Variants in ADD3 observed in about 807,000 individuals in gnomAD.
ADD3 encodes the protein adducin 3.
In ADD3, 25 loss-of-function variants were observed where a neutral mutation model predicts 80.2. The observed-to-expected ratio is 0.31, with a 90% CI of 0.23 to 0.44. The LOEUF (loss-of-function observed/expected upper bound fraction) is 0.44, where lower values mean the gene tolerates loss of function less well. ADD3 is among the 20% of genes least tolerant of loss of function. ADD3 has a pLI of 1.00. For missense variants in ADD3, 829 were observed against 847.5 expected (o/e 0.98, Z 0.27); for synonymous variants, 284 against 289.6 (o/e 0.98, Z 0.20).
intron 1 of ADD3, among the ~76,000 whole-genome samples, chr10:110,042,129 T>C (rs1471388675): frequency 6.6e-6 from 1 of 151,986 alleles, no homozygotes; most frequent in Admixed American, 6.5e-5. Context: ...TAGATCTTTG[T>C]AGGTAAGTAT....
intron 1 of ADD3, among the ~76,000 whole-genome samples, chr10:110,095,916 A>G (rs72828289): frequency 0.02 from 3,009 of 152,316 alleles, 55 homozygotes; most frequent in Middle Eastern, 0.054. Flanking sequence ...AATTATAGCA[A>G]TAGAGAATGG....
intron 1 of ADD3, among the ~76,000 whole-genome samples, chr10:110,023,599 G>T (rs1853942087): frequency 6.6e-6 from 1 of 152,194 alleles, no homozygotes; most frequent in South Asian, 2.1e-4. Flanking sequence ...TCTGATTTAT[G>T]ACAGAGGAAA....
chr10:110,091,171 T>C (rs1847455311), intron 1 of ADD3, among the ~76,000 whole-genome samples: 2 of 152,192 alleles, frequency 1.3e-5, no homozygotes, highest in Non-Finnish European at 2.9e-5. Flanking sequence ...TTGAGTATTG[T>C]GATCATATAA....
intron 12 of ADD3, among the ~76,000 whole-genome samples, chr10:110,127,062 G>T (rs1262542839): frequency 6.6e-6 from 1 of 152,194 alleles, no homozygotes; most frequent in East Asian, 1.9e-4. Context: ...GAAAGATGGG[G>T]ATTTAGCCTG....
intron 1 of ADD3, among the ~76,000 whole-genome samples, chr10:110,031,323 C>T (rs750831693): frequency 2.4e-4 from 37 of 152,168 alleles, no homozygotes; most frequent in Non-Finnish European, 5.0e-4. Context: ...CCATTGGGCA[C>T]CTGCCATGTG....
At chr10:110,027,777 C>G (rs1216482442) in intron 1 of ADD3, among the ~76,000 whole-genome samples, 3 of 152,174 alleles carry the variant, frequency 2.0e-5, no homozygotes, top group Non-Finnish European at 4.4e-5. Context: ...AAATGAGACA[C>G]TTCAGAGAGA....
At chr10:110,025,928 A>AG in intron 1 of ADD3, among the ~76,000 whole-genome samples, 2 of 146,438 alleles carry the variant, frequency 1.4e-5, no homozygotes, top group African/African-American at 4.9e-5. Flanking sequence ...CTTAAAAAAG[A>AG]AAAAAAAAAT....
chr10:110,001,612 C>G (rs899024137), upstream of ADD3, among the ~76,000 whole-genome samples: 4 of 152,162 alleles, frequency 2.6e-5, no homozygotes, highest in African/African-American at 4.8e-5. Flanking sequence ...TGTGATCAAA[C>G]TGGTGATACA....
At chr10:110,112,958 C>T (rs201381205) in intron 3 of ADD3, 43 bp downstream of exon 3, 4 of 1,582,692 alleles carry the variant, frequency 2.5e-6, no homozygotes, top group Admixed American at 1.7e-5. Flanking sequence ...AATTTTACTT[C>T]CACTTTGGAC....
intron 1 of ADD3, among the ~76,000 whole-genome samples, chr10:110,078,093 C>T (rs1290259452): frequency 1.3e-5 from 2 of 152,200 alleles, no homozygotes; most frequent in African/African-American, 4.8e-5. Context: ...GACTTCTTAG[C>T]ATCTCCTTGC....
intron 8 of ADD3, among the ~76,000 whole-genome samples, chr10:110,120,026 A>T (rs554934597): frequency 7.9e-5 from 12 of 151,946 alleles, no homozygotes; most frequent in Middle Eastern, 3.4e-3. Flanking sequence ...CATTTTTTTC[A>T]TCAGAGATGT....
rs12259871 is a variant in ADD3 at position 110,018,093 on chromosome 10, C to T, written c.-30+9794C>T. Among the ~76,000 whole-genome samples the T allele has an allele frequency of 2.0e-5, 3 of 152,288 alleles. No homozygotes were observed. In the South Asian group the frequency reaches 6.2e-4, roughly 32 times the overall value. On this transcript the variant is annotated intron_variant, in intron 1 of 14. Coordinates refer to ENST00000356080, the MANE Select transcript of ADD3 (RefSeq NM_016824.5). ...CTATGAGATACATCACTCCTTGAGA[C>T]TCAGACTTTCCCAGTCAAACATAGG...
intron 1 of ADD3, among the ~76,000 whole-genome samples, chr10:110,021,922 A>AT (rs1398411301): frequency 3.3e-5 from 5 of 152,252 alleles, no homozygotes; most frequent in Non-Finnish European, 5.9e-5. Context: ...GTGCGTGCAA[A>AT]TTCAGATGTA....
intron 2 of ADD3, among the ~76,000 whole-genome samples, chr10:110,109,069 A>G (rs987193090): frequency 2.0e-5 from 3 of 152,194 alleles, no homozygotes; most frequent in Admixed American, 2.0e-4. Flanking sequence ...CATTTCACTA[A>G]TGTAAAAAGA....
chr10:110,126,333 A>G, intron 11 of ADD3, 84 bp from the exon 12 acceptor site: 3 of 1,028,538 alleles, frequency 2.9e-6, no homozygotes, highest in East Asian at 4.9e-5. Context: ...AATGTCAAGT[A>G]GTAAGCTTTT....
At chr10:110,131,019 C>G (rs565282283) in intron 13 of ADD3, among the ~76,000 whole-genome samples, 6 of 152,172 alleles carry the variant, frequency 3.9e-5, no homozygotes, top group African/African-American at 1.4e-4. Flanking sequence ...GGCTTTTTAA[C>G]TCTCTTAATT....
chr10:110,039,785 G>A (rs1182730609), intron 1 of ADD3, among the ~76,000 whole-genome samples: 1 of 152,202 alleles, frequency 6.6e-6, no homozygotes, highest in African/African-American at 2.4e-5. Flanking sequence ...AGGCTTGACT[G>A]AGGCTAGAGA....
At chr10:110,061,722 A>G (rs1413597713) in intron 1 of ADD3, among the ~76,000 whole-genome samples, 5 of 152,196 alleles carry the variant, frequency 3.3e-5, no homozygotes, top group African/African-American at 1.2e-4. Context: ...TTCTAGTCTG[A>G]GATACATTCT....
chr10:110,005,384 G>A (rs989073501), upstream of ADD3, among the ~76,000 whole-genome samples: 3 of 152,170 alleles, frequency 2.0e-5, no homozygotes, highest in Admixed American at 2.0e-4. Flanking sequence ...TATATCACAT[G>A]AGCACACATT....
Sources: allele counts gnomAD v4.1 joint callset (sites outside exome capture counted in the v4.1 genomes callset), GRCh38; gene constraint gnomAD v4.1.1; transcripts MANE v1.5; gene names NCBI Gene and HGNC (gene_info 2026-07-23, HGNC 2026-07-21).